The following TPST1 variants were observed in gnomAD, a reference collection of about 807,000 sequenced individuals.
The protein encoded by TPST1 is tyrosylprotein sulfotransferase 1.
A neutral mutation model predicts 34.8 loss-of-function variants in TPST1; 20 were observed. The ratio of observed to expected loss-of-function variants is 0.57; its 90% CI spans 0.40 to 0.84. The LOEUF (loss-of-function observed/expected upper bound fraction) is 0.84. TPST1 is among the 40% of genes least tolerant of loss of function. The probability of loss-of-function intolerance (pLI) is 0.00; values close to 1 mark genes in which losing one functional copy is unlikely to be tolerated. For missense variants in TPST1, 353 were observed against 455.5 expected, an observed-to-expected ratio of 0.78 and a Z score of 2.05; for synonymous variants, 152 against 159.4, an observed-to-expected ratio of 0.95 and a Z score of 0.35.
chr7:66,266,885 GC>G (rs1392121922), intron 2 of TPST1, among the ~76,000 whole-genome samples: 8 of 152,072 alleles, frequency 5.3e-5, no homozygotes, highest in Non-Finnish European at 1.2e-4. Context: ...TGACTGGGAG[GC>G]AACACAAAAG....
intron 4 of TPST1, among the ~76,000 whole-genome samples, chr7:66,355,042 T>C (rs942459139): frequency 1.3e-5 from 2 of 152,124 alleles, no homozygotes; most frequent in African/African-American, 4.8e-5. Context: ...GAGGACAGGA[T>C]TTCTTAAGCC....
chr7:66,237,430 T>C (rs1789933239), intron 1 of TPST1, among the ~76,000 whole-genome samples: 1 of 152,252 alleles, frequency 6.6e-6, no homozygotes, highest in South Asian at 2.1e-4. Context: ...CCCAGCTTTA[T>C]CATTGGTTTT....
chr7:66,220,692 G>C (rs372469311), intron 1 of TPST1, among the ~76,000 whole-genome samples: 1 of 150,318 alleles, frequency 6.7e-6, no homozygotes, highest in East Asian at 2.0e-4. Context: ...TGGGTGGGTG[G>C]TGAAACAGGC....
chr7:66,253,039 AG>A (rs997732177), intron 2 of TPST1, among the ~76,000 whole-genome samples: 2 of 152,160 alleles, frequency 1.3e-5, no homozygotes, highest in African/African-American at 2.4e-5. Flanking sequence ...AAAAACATTC[AG>A]GGGGGAAAAA....
chr7:66,325,836 A>C (rs1479494905), intron 3 of TPST1, among the ~76,000 whole-genome samples: 1 of 152,080 alleles, frequency 6.6e-6, no homozygotes, highest in East Asian at 1.9e-4. Context: ...GGGTTTCACC[A>C]TGTTGGCCAG....
At chr7:66,283,265 A>G (rs907329862) in intron 2 of TPST1, among the ~76,000 whole-genome samples, 7 of 152,250 alleles carry the variant, frequency 4.6e-5, no homozygotes, top group African/African-American at 1.7e-4. Context: ...CGTCTCAAAA[A>G]ACAAAAACAA....
At chr7:66,293,184 T>C (rs2115970580) in intron 3 of TPST1, among the ~76,000 whole-genome samples, 1 of 150,966 alleles carries the variant, frequency 6.6e-6, no homozygotes, top group South Asian at 2.1e-4. Context: ...CCAGCCTGGA[T>C]GACAGAGCGA....
chr7:66,240,571 C>T lies in TPST1; in HGVS notation c.146C>T (p.Thr49Ile). 1 of 1,614,144 alleles carries T rather than the reference C, an allele frequency of 6.2e-7. No homozygotes were observed. Among genetic ancestry groups the T allele is most frequent in the Non-Finnish European group, 8.5e-7 (1 of 1,180,032 alleles). The stretch of plus-strand genomic sequence containing the variant: ...CCAGTCAAATTGGAGAGCACAAGGA[C>T]CACTGTGAGAACTGGCCTGGACCTC... Reference protein sequence around the residue: ...SQPVKLESTRTTVRTGLDLKA... With the variant: ...SQPVKLESTRITVRTGLDLKA... Residue 49 changes from threonine to isoleucine, a missense_variant, in exon 2 of 6, where the codon ACC becomes ATC. Transcript: ENST00000304842.
chr7:66,211,323 G>A (rs377489092), intron 1 of TPST1, among the ~76,000 whole-genome samples: 1 of 151,924 alleles, frequency 6.6e-6, no homozygotes, highest in African/African-American at 2.4e-5. Context: ...TAGTAGAGAC[G>A]GGGTTTCTCC....
chr7:66,223,662 G>A (rs768463721), intron 1 of TPST1, among the ~76,000 whole-genome samples: 1 of 152,050 alleles, frequency 6.6e-6, no homozygotes, highest in African/African-American at 2.4e-5. Flanking sequence ...TTATAGGTCT[G>A]AGAAGTTTGG....
chr7:66,305,208 C>G (rs1791397990), intron 3 of TPST1, among the ~76,000 whole-genome samples: 1 of 152,096 alleles, frequency 6.6e-6, no homozygotes, highest in Non-Finnish European at 1.5e-5. Context: ...ATATTCATAT[C>G]AAAGCAAAGA....
intron 1 of TPST1, among the ~76,000 whole-genome samples, chr7:66,223,316 G>C (rs1789582304): frequency 6.6e-6 from 1 of 151,794 alleles, no homozygotes; most frequent in Admixed American, 6.6e-5. Context: ...CAAAAAATTA[G>C]CCAGGTATGG....
chr7:66,228,150 G>A (rs1315789403), intron 1 of TPST1, among the ~76,000 whole-genome samples: 1 of 152,126 alleles, frequency 6.6e-6, no homozygotes, highest in Non-Finnish European at 1.5e-5. Flanking sequence ...AATACTGGGA[G>A]TATTTTAATG....
chr7:66,227,933 A>AT (rs985736359), intron 1 of TPST1, among the ~76,000 whole-genome samples: 6 of 152,314 alleles, frequency 3.9e-5, no homozygotes, highest in African/African-American at 1.4e-4. Flanking sequence ...AGTAATGAAG[A>AT]TTTAAAAACA....
At position 66,241,075 on chromosome 7, in the gene TPST1, G is replaced by A. The variant is rs1178697093; in HGVS notation, c.650G>A (p.Arg217His). ...SYRDCLTKWN[R>H]AIETMYNQCM... ...AGGGACTGTTTGACAAAGTGGAATC[G>A]TGCTATAGAGACCATGTATAACCAG... The change falls in exon 2 of 6, where the codon CGT becomes CAT. Residue 217 changes from arginine to histidine, a missense_variant. Physicochemically the swap from Arg to His is conservative, Grantham distance 29. Coordinates refer to ENST00000304842, the MANE Select transcript of TPST1 (RefSeq NM_003596.4). 8 of 1,614,192 alleles carry A rather than the reference G, an allele frequency of 5.0e-6. No individual in the cohort carries two copies. Among genetic ancestry groups the A allele is most frequent in the South Asian group, 2.2e-5 (2 of 91,084 alleles).
At chr7:66,253,988 G>A (rs1200301866) in intron 2 of TPST1, among the ~76,000 whole-genome samples, 1 of 134,822 alleles carries the variant, frequency 7.4e-6, no homozygotes, top group African/African-American at 2.9e-5. Flanking sequence ...GGTTGACAGA[G>A]TGAGACTCTG....
chr7:66,351,191 G>A lies in TPST1; in HGVS notation c.1045-1314G>A, dbSNP rs1239602450. Among the ~76,000 whole-genome samples the A allele has an allele frequency of 2.0e-5, 3 of 152,264 alleles. No individual in the cohort carries two copies. The East Asian group carries it at 5.8e-4, about 29-fold the overall frequency. ...AGCTTTAAATTTTTTAAATGAAGAT[G>A]TAGTATATTATTCTTTGGAATCTGG... On this transcript the variant is annotated intron_variant, in intron 3 of 5. Transcript: ENST00000304842.
chr7:66,294,498 A>G (rs1405788565), intron 3 of TPST1, among the ~76,000 whole-genome samples: 2 of 151,890 alleles, frequency 1.3e-5, no homozygotes, highest in East Asian at 1.9e-4. Context: ...CCCCTTTTCA[A>G]TTCATTATTA....
chr7:66,276,685 T>G (rs1162174818), intron 2 of TPST1, among the ~76,000 whole-genome samples: 1 of 152,132 alleles, frequency 6.6e-6, no homozygotes, highest in Non-Finnish European at 1.5e-5. Flanking sequence ...TAATGATTTT[T>G]CCTTCCATTT....
Sources: allele counts gnomAD v4.1 joint callset (sites outside exome capture counted in the v4.1 genomes callset), GRCh38; gene constraint gnomAD v4.1.1; transcripts MANE v1.5; gene names NCBI Gene and HGNC (gene_info 2026-07-23, HGNC 2026-07-21).